Variants in PTPRD observed in about 807,000 individuals in gnomAD.
The protein encoded by PTPRD is protein tyrosine phosphatase receptor type D, also known as receptor-type tyrosine-protein phosphatase delta.
In PTPRD, 34 loss-of-function variants were observed where a neutral mutation model predicts 214.5. That is an observed-to-expected ratio of 0.16 (90% CI 0.12 to 0.21). The LOEUF (loss-of-function observed/expected upper bound fraction) is 0.21. Ranked by LOEUF, PTPRD falls within the 10% of genes least tolerant of loss-of-function variation. The pLI is 1.00. For missense variants in PTPRD, 2,545 were observed against 2,398.7 expected, an observed-to-expected ratio of 1.06 and a Z score of -1.27; for synonymous variants, 1,128 against 845.7, an observed-to-expected ratio of 1.33 and a Z score of -5.79.
chr9:9,933,643 C>G (rs1240748233), intron 5 of PTPRD, among the ~76,000 whole-genome samples: 188 of 149,176 alleles, frequency 1.3e-3, no homozygotes, highest in Non-Finnish European at 2.0e-3. Flanking sequence ...ACTTTAACAC[C>G]CCACTGTCAA....
At chr9:9,729,795 G>T (rs1264833214) in intron 7 of PTPRD, among the ~76,000 whole-genome samples, 1 of 151,940 alleles carries the variant, frequency 6.6e-6, no homozygotes, top group South Asian at 2.1e-4. Flanking sequence ...GTAAATTCAT[G>T]AGAGTATGAT....
chr9:9,897,961 C>T (rs1228462677), intron 5 of PTPRD, among the ~76,000 whole-genome samples: 1 of 151,318 alleles, frequency 6.6e-6, no homozygotes, highest in African/African-American at 2.4e-5. Flanking sequence ...AACAGGTAAT[C>T]AAGTAAGCAT....
chr9:10,006,440 A>T (rs907286459), intron 4 of PTPRD, among the ~76,000 whole-genome samples: 9 of 151,984 alleles, frequency 5.9e-5, no homozygotes, highest in African/African-American at 2.2e-4. Flanking sequence ...TTATATTGGC[A>T]AACCGTTACT....
At chr9:8,861,698 A>C (rs1053051776) in intron 11 of PTPRD, 3 of 152,212 alleles carry the variant, frequency 2.0e-5, no homozygotes, top group African/African-American at 7.2e-5. Flanking sequence ...ATTATTGACC[A>C]AGGTATGGAA....
rs143560843 is a variant in PTPRD, at chr9:10,299,513, T to C, written c.-545+41450A>G. 2.2e-3 allele frequency among the ~76,000 whole-genome samples: 329 copies of C among 152,204 alleles called. 5 individuals carry two copies. In the Middle Eastern group the frequency reaches 0.024, roughly 11 times the overall value. ...GAATGTGCAGATCTTTCTAGAAATG[T>C]GTGTAGGAGGTTTTTGTCAGGTCAA... is the stretch of plus-strand genomic sequence containing the variant. On this transcript the variant is annotated intron_variant, in intron 3 of 45. Coordinates refer to ENST00000381196, the MANE Select transcript of PTPRD (RefSeq NM_002839.4).
intron 7 of PTPRD, among the ~76,000 whole-genome samples, chr9:9,678,388 A>G (rs2096981733): frequency 6.6e-6 from 1 of 152,108 alleles, no homozygotes; most frequent in Admixed American, 6.6e-5. Context: ...CCAATGGAAC[A>G]GAACAAAGCC....
At position 10,125,209 on chromosome 9, in the gene PTPRD, C is replaced by T. The variant is rs1029266357; in HGVS notation, c.-544-91419G>A. Among the ~76,000 whole-genome samples, 4 of 151,616 alleles carry T rather than the reference C, an allele frequency of 2.6e-5. No individual in the cohort carries two copies. In the East Asian group the frequency reaches 7.8e-4, roughly 29 times the overall value. ...TGTGCAAGACAATATAATCAATTAC[C>T]TTTATTAAGATACTATTATACTATC... On this transcript the variant is annotated intron_variant, in intron 3 of 45. Coordinates refer to ENST00000381196, the MANE Select transcript of PTPRD (RefSeq NM_002839.4).
intron 12 of PTPRD, among the ~76,000 whole-genome samples, chr9:8,684,117 G>A (rs1025884665): frequency 6.6e-6 from 1 of 152,082 alleles, no homozygotes; most frequent in Non-Finnish European, 1.5e-5. Flanking sequence ...CGCCCTATCT[G>A]AATTACTAAC....
intron 11 of PTPRD, among the ~76,000 whole-genome samples, chr9:8,872,567 T>C (rs1419942657): frequency 2.0e-5 from 3 of 152,180 alleles, no homozygotes; most frequent in African/African-American, 7.2e-5. Flanking sequence ...ATAAGAAAAT[T>C]TTGGGCCAGG....
intron 3 of PTPRD, among the ~76,000 whole-genome samples, chr9:10,267,298 T>C (rs946639865): frequency 2.0e-5 from 3 of 151,950 alleles, no homozygotes; most frequent in Middle Eastern, 3.2e-3. Flanking sequence ...AAAAAATAGA[T>C]ATACAAATTA....
chr9:9,992,158 T>C (rs1005954540), intron 4 of PTPRD, among the ~76,000 whole-genome samples: 2 of 152,258 alleles, frequency 1.3e-5, no homozygotes, highest in East Asian at 3.9e-4. Context: ...TATTCTGGAA[T>C]GAGATAGTGA....
chr9:9,927,206 A>G lies in PTPRD; in HGVS notation c.-368+11301T>C, dbSNP rs573332189. On this transcript the variant is annotated intron_variant, in intron 5 of 45. Coordinates refer to ENST00000381196, the MANE Select transcript of PTPRD (RefSeq NM_002839.4). ...TACTTGTGATTTCACTGGGGGTACA[A>G]CACAATGTAAACTATACCCACTGCT... Among the ~76,000 whole-genome samples, 12 of 152,292 alleles carry G rather than the reference A, an allele frequency of 7.9e-5. No individual in the cohort carries two copies. In the Middle Eastern group the frequency reaches 0.014, roughly 173 times the overall value.
At chr9:9,571,244 G>C (rs1234817216) in intron 8 of PTPRD, among the ~76,000 whole-genome samples, 2 of 151,164 alleles carry the variant, frequency 1.3e-5, no homozygotes, top group East Asian at 1.9e-4. Context: ...CTTTCTATCA[G>C]ACACAAAATA....
chr9:9,637,018 A>G (rs1396742398), intron 7 of PTPRD, among the ~76,000 whole-genome samples: 1 of 152,138 alleles, frequency 6.6e-6, no homozygotes, highest in East Asian at 1.9e-4. Context: ...TCCCTACATT[A>G]AACCCTTTTT....
chr9:10,448,550 G>A (rs2098815344), intron 2 of PTPRD, among the ~76,000 whole-genome samples: 1 of 151,992 alleles, frequency 6.6e-6, no homozygotes, highest in Non-Finnish European at 1.5e-5. Context: ...AAGTGATAGT[G>A]AACACCTTAA....
At chr9:9,461,844 C>A (rs944143204) in intron 8 of PTPRD, among the ~76,000 whole-genome samples, 1 of 152,102 alleles carries the variant, frequency 6.6e-6, no homozygotes, top group African/African-American at 2.4e-5. Flanking sequence ...AGGCTTCTCT[C>A]CTCGTTCTCC....
chr9:9,265,826 G>A (rs1452101300), intron 9 of PTPRD, among the ~76,000 whole-genome samples: 1 of 151,116 alleles, frequency 6.6e-6, no homozygotes. Context: ...AAGAAATAAA[G>A]GACTGATAAA....
chr9:10,259,758 A>T (rs2093568944), intron 3 of PTPRD, among the ~76,000 whole-genome samples: 1 of 152,228 alleles, frequency 6.6e-6, no homozygotes, highest in African/African-American at 2.4e-5. Flanking sequence ...CTTTTGTAGC[A>T]TAGGCCCTGA....
chr9:9,922,946 CT>C (rs2083002762), intron 5 of PTPRD, among the ~76,000 whole-genome samples: 2 of 131,872 alleles, frequency 1.5e-5, no homozygotes, highest in South Asian at 4.9e-4. Context: ...TAATATACTG[CT>C]AGTATTCTAA....
Sources: gnomAD v4.1 joint callset for allele counts (sites outside exome capture counted in the v4.1 genomes callset) on GRCh38, gnomAD v4.1.1 for gene constraint, MANE v1.5 for transcripts, NCBI Gene and HGNC (gene_info 2026-07-23, HGNC 2026-07-21) for gene names.